The following MMP26 variants were observed in gnomAD, a reference collection of about 807,000 sequenced individuals.
MMP26 encodes the protein matrix metallopeptidase 26, also known as matrix metalloproteinase-26.
Under a neutral mutation model 31.0 loss-of-function variants are expected in MMP26, and 33 were observed. That is an observed-to-expected ratio of 1.06 (90% confidence interval 0.81 to 1.42). The LOEUF is 1.42. Among genes scored for constraint, MMP26 ranks in the 40% most tolerant of loss-of-function variants. MMP26 has a pLI of 0.00. For missense variants in MMP26, 347 were observed against 316.1 expected, an observed-to-expected ratio of 1.10 and a Z score of -0.74; for synonymous variants, 122 against 114.9, an observed-to-expected ratio of 1.06 and a Z score of -0.40.
intron 6 of MMP26, 143 bp downstream of exon 6, chr11:4,991,639 G>T: frequency 9.7e-7 from 1 of 1,035,654 alleles, no homozygotes; most frequent in Admixed American, 2.5e-5. Flanking sequence ...TAAGTGAGGA[G>T]ATGTGGGATC....
At chr11:4,754,622 G>A (rs1848484819) in intron 1 of MMP26, among the ~76,000 whole-genome samples, 1 of 151,814 alleles carries the variant, frequency 6.6e-6, no homozygotes, top group Non-Finnish European at 1.5e-5. Flanking sequence ...CATTAAGCGT[G>A]CCCATTTTTA....
At chr11:4,982,094 T>C (rs1846822416) in intron 2 of MMP26, among the ~76,000 whole-genome samples, 1 of 151,732 alleles carries the variant, frequency 6.6e-6, no homozygotes, top group Non-Finnish European at 1.5e-5. Context: ...ACAATATACA[T>C]ACATACATAT....
At chr11:4,773,087 A>G (rs983152174) in intron 2 of MMP26, among the ~76,000 whole-genome samples, 1 of 152,206 alleles carries the variant, frequency 6.6e-6, no homozygotes, top group Non-Finnish European at 1.5e-5. Context: ...GTTGTCTTAA[A>G]GAGCTAACTA....
intron 2 of MMP26, among the ~76,000 whole-genome samples, chr11:4,853,253 A>C (rs1388111910): frequency 6.6e-6 from 1 of 152,198 alleles, no homozygotes; most frequent in East Asian, 1.9e-4. Flanking sequence ...ATACAAGGGT[A>C]ACTATGTGAG....
chr11:4,874,925 A>G (rs1850358934), intron 2 of MMP26, among the ~76,000 whole-genome samples: 1 of 152,166 alleles, frequency 6.6e-6, no homozygotes, highest in African/African-American at 2.4e-5. Flanking sequence ...TGCTAACTCA[A>G]GATGACATTT....
chr11:4,849,225 T>G, intron 2 of MMP26: 1 of 1,579,386 alleles, frequency 6.3e-7, no homozygotes, highest in Non-Finnish European at 8.6e-7. Context: ...GGATTCCACG[T>G]TGAACTCTGG....
rs58016783 is a variant in MMP26 at position 4,986,511 on chromosome 11, ATTTTTTTTTTTTTTTTTTTTT to A, written c.-144-1540_-144-1520del. ...AAGTGAGCACCACCATGCCCAGTCG[ATTTTTTTTTTTTTTTTTTTTT>A]TTTTTTTTTTTTTTTTGAGACAGAA... On this transcript the variant is annotated intron_variant, in intron 2 of 7. Transcript: ENST00000380390. Among the ~76,000 whole-genome samples, 10 of 31,636 alleles carry A rather than the reference ATTTTTTTTTTTTTTTTTTTTT, an allele frequency of 3.2e-4. 1 individual carries two copies. The highest frequency in any genetic ancestry group is 2.7e-3 in the East Asian group (2 of 738). The allele number at this position is 31,636 out of a possible 152,430, so 20.8% of individuals were successfully genotyped here. A position where few individuals can be genotyped will look rare whatever the true frequency, so the allele number is the denominator to read the frequency against.
chr11:4,734,118 A>G (rs1163855509), intron 1 of MMP26, among the ~76,000 whole-genome samples: 2 of 152,108 alleles, frequency 1.3e-5, no homozygotes, highest in African/African-American at 4.8e-5. Context: ...AATCTTAACA[A>G]TTTTCTTTTC....
chr11:4,981,254 ATGT>A (rs1846809124), intron 2 of MMP26, among the ~76,000 whole-genome samples: 1 of 152,108 alleles, frequency 6.6e-6, no homozygotes, highest in East Asian at 1.9e-4. Context: ...ACCTGTGTGT[ATGT>A]CATACAACGC....
chr11:4,748,738 C>T (rs1848412269), intron 1 of MMP26, among the ~76,000 whole-genome samples: 1 of 151,616 alleles, frequency 6.6e-6, no homozygotes, highest in Admixed American at 6.6e-5. Flanking sequence ...TGATAAAATT[C>T]AGCATGAGTT....
chr11:4,848,089 A>G, intron 2 of MMP26: 1 of 794,052 alleles, frequency 1.3e-6, no homozygotes, highest in Non-Finnish European at 2.0e-6. Context: ...ATCAATATAC[A>G]CAGGCATACT....
At chr11:4,744,143 A>G (rs1297679325) in intron 1 of MMP26, among the ~76,000 whole-genome samples, 4 of 152,102 alleles carry the variant, frequency 2.6e-5, no homozygotes, top group African/African-American at 7.2e-5. Context: ...CTTCAGGGAT[A>G]CTATAATTTA....
At chr11:4,915,047 A>T (rs779563573) in intron 2 of MMP26, 3 of 1,614,086 alleles carry the variant, frequency 1.9e-6, no homozygotes, top group Non-Finnish European at 1.7e-6. Context: ...GACGATGACA[A>T]ACATGCCGTA....
intron 2 of MMP26, among the ~76,000 whole-genome samples, chr11:4,868,082 G>A (rs753012068): frequency 1.3e-5 from 2 of 152,102 alleles, no homozygotes; most frequent in Non-Finnish European, 2.9e-5. Context: ...ATGAAATCAT[G>A]TCCTTTCCAA....
chr11:4,928,830 G>A (rs963052328), intron 2 of MMP26, among the ~76,000 whole-genome samples: 3 of 152,062 alleles, frequency 2.0e-5, no homozygotes, highest in African/African-American at 7.2e-5. Context: ...TGACCAGTGA[G>A]ATCCCATCTC....
intron 1 of MMP26, among the ~76,000 whole-genome samples, chr11:4,743,873 A>G (rs932701837): frequency 6.6e-6 from 1 of 152,154 alleles, no homozygotes; most frequent in Non-Finnish European, 1.5e-5. Flanking sequence ...TGGCACGATC[A>G]TAGCTCACTG....
At chr11:4,747,494 A>G (rs11033688) in intron 1 of MMP26, among the ~76,000 whole-genome samples, 28,540 of 152,188 alleles carry the variant, frequency 0.19, 3,422 homozygotes, top group African/African-American at 0.34. Flanking sequence ...TTACCTCTAT[A>G]GAGAAGTCAG....
At chr11:4,907,507 C>A in intron 2 of MMP26, 1 of 1,614,058 alleles carries the variant, frequency 6.2e-7, no homozygotes, top group Non-Finnish European at 8.5e-7. Flanking sequence ...GCACCATTCT[C>A]TTTATTATAA....
At chr11:4,821,020 G>A (rs1271095024) in intron 2 of MMP26, among the ~76,000 whole-genome samples, 1 of 152,072 alleles carries the variant, frequency 6.6e-6, no homozygotes, top group Non-Finnish European at 1.5e-5. Flanking sequence ...GACTTAGTTT[G>A]CTCAGTGTTT....
Sources: allele counts gnomAD v4.1 joint callset (sites outside exome capture counted in the v4.1 genomes callset), GRCh38; gene constraint gnomAD v4.1.1; transcripts MANE v1.5; gene names NCBI Gene and HGNC (gene_info 2026-07-23, HGNC 2026-07-21).